OR6C4: variants seen among roughly 807,000 people sequenced by gnomAD.
OR6C4 encodes the protein olfactory receptor 6C4.
OR6C4 carries 20 observed loss-of-function variants against 15.1 expected under a neutral mutation model. That is an observed-to-expected ratio of 1.32 (90% CI 0.93 to 1.92). The LOEUF (loss-of-function observed/expected upper bound fraction) is 1.92, where lower values mean the gene tolerates loss of function less well. OR6C4 is among the 30% of genes most tolerant of loss of function. The pLI is 0.00. For missense variants in OR6C4, 491 were observed against 363.2 expected (o/e 1.35, Z -2.86); for synonymous variants, 179 against 134.2 (o/e 1.33, Z -2.31).
Position 55,555,280 on chromosome 12 carries a change from G to GC in OR6C4, c.*3129dup, listed in dbSNP as rs1283653957. The stretch of plus-strand genomic sequence containing the variant: ...CTAAGCTGTAGTTTTTTTATCCCTA[G>GC]CCCCCTCCCATCATTCCCCTTCTGA... On this transcript the variant is annotated 3_prime_UTR_variant, in exon 2 of 2. Transcript: ENST00000641569. 9 of 151,956 alleles carry GC rather than the reference G, an allele frequency of 5.9e-5. No homozygotes were observed. The highest frequency in any genetic ancestry group is 1.3e-4 in the Admixed American group (2 of 15,242). 9.4% of individuals were successfully genotyped at this position (151,956 alleles called of 1,614,324 possible). A position where few individuals can be genotyped will look rare whatever the true frequency, so the allele number is the denominator to read the frequency against.
At position 55,553,973 on chromosome 12, in the gene OR6C4, CTATATTATAA is replaced by C. The variant is rs1873947464; in HGVS notation, c.*1818_*1827del. ...GTTTAATAAATGACATCTATTATAA[CTATATTATAA>C]ACAATATATTTTTCAAGGAACTGGA... On this transcript the variant is annotated 3_prime_UTR_variant, in exon 2 of 2. Transcript: ENST00000641569. The C allele has an allele frequency of 6.6e-6, 1 of 152,128 alleles. No individual in the cohort carries two copies. Among genetic ancestry groups the C allele is most frequent in the African/African-American group, 2.4e-5 (1 of 41,430 alleles). 9.4% of individuals were successfully genotyped at this position (152,128 alleles called of 1,614,324 possible).
In OR6C4 at chr12:55,555,580, C is replaced by T. The variant is rs372209749; in HGVS notation, c.*3424C>T. Reference sequence around the variant, plus strand: ...ATCACTTGAGTTCAGGAGTTCGAGACCAGCCTGGCCAACATGGTGAAACCC... The same window carrying T: ...ATCACTTGAGTTCAGGAGTTCGAGATCAGCCTGGCCAACATGGTGAAACCC... On this transcript the variant is annotated 3_prime_UTR_variant, in exon 2 of 2. Transcript: ENST00000641569. 3.9e-5 allele frequency: 6 copies of T among 152,160 alleles called. No homozygotes were observed. The highest frequency in any genetic ancestry group is 1.4e-4 in the African/African-American group (6 of 41,494). The allele number at this position is 152,160 out of a possible 1,614,324, so 9.4% of individuals were successfully genotyped here.
rs1873905724 is a variant in OR6C4 at position 55,552,571 on chromosome 12, A to C, written c.*415A>C. 6.2e-6 allele frequency: 1 copy of C among 160,414 alleles called. No homozygotes were observed. 9.9% of individuals were successfully genotyped at this position (160,414 alleles called of 1,614,324 possible). A position where few individuals can be genotyped will look rare whatever the true frequency, so the allele number is the denominator to read the frequency against. ...GTTAGCTGGGTTTCATGAGTCAAGA[A>C]ATTTTCAGAATTGTTTTGAGGAGAA... is the stretch of plus-strand genomic sequence containing the variant. On this transcript the variant is annotated 3_prime_UTR_variant, in exon 2 of 2. Transcript: ENST00000641569.
Position 55,551,737 on chromosome 12 carries a change from A to C in OR6C4, c.511A>C (p.Ile171Leu), listed in dbSNP as rs1873872554. Residue 171 changes from isoleucine to leucine, a missense_variant, in exon 2 of 2, where the codon ATT becomes CTT. By Grantham distance (5) the Ile-to-Leu change is conservative (BLOSUM62 2). Coordinates refer to ENST00000641569, the MANE Select transcript of OR6C4 (RefSeq NM_001005494.2). Reference sequence around the variant, plus strand: ...CCAGGTAGATTTCTGTGTCTCCAACATTCTGAATCACTATTACTGTGACTA... The same window carrying C: ...CCAGGTAGATTTCTGTGTCTCCAACCTTCTGAATCACTATTACTGTGACTA... ...MTQVDFCVSN[I>L]LNHYYCDYGP... 6.2e-7 allele frequency: 1 copy of C among 1,613,938 alleles called. No homozygotes were observed.
Position 55,552,328 on chromosome 12 carries a change from T to C in OR6C4, c.*172T>C, listed in dbSNP as rs950709184. 2.0e-6 allele frequency: 1 copy of C among 496,550 alleles called. No homozygotes were observed. Among genetic ancestry groups the C allele is most frequent in the African/African-American group, 2.0e-5 (1 of 49,268 alleles). The allele number at this position is 496,550 out of a possible 1,614,324, so 30.8% of individuals were successfully genotyped here. On this transcript the variant is annotated 3_prime_UTR_variant, in exon 2 of 2. Coordinates refer to ENST00000641569, the MANE Select transcript of OR6C4 (RefSeq NM_001005494.2). ...AAGATATATAAATGGTAAATTTATG[T>C]AATAAATTTACAAAAAACAAAATAA...
Position 55,551,406 on chromosome 12 carries a change from C to T in OR6C4, c.180C>T (p.Phe60=). The T allele has an allele frequency of 2.5e-6, 4 of 1,613,876 alleles. No homozygotes were observed. Among genetic ancestry groups the T allele is most frequent in the Non-Finnish European group, 3.4e-6 (4 of 1,179,924 alleles). The part of the protein sequence containing the change: ...DPHLQTPMYF[F]LRNFSFLEIS... ...ACCTCCAGACCCCCATGTATTTCTT[C>T]CTCCGGAATTTCTCCTTCTTAGAAA... Residue 60 remains phenylalanine (F), a synonymous_variant, in exon 2 of 2, where the codon TTC becomes TTT. Transcript: ENST00000641569.
chr12:55,551,598 C>A lies in OR6C4; in HGVS notation c.372C>A (p.Ile124=), dbSNP rs772024749. ...TGTCTTATGATCGTTATGTGGCCAT[C>A]TGCAAACCCTTGCATTACCTGACTA... ...ASMSYDRYVA[I]CKPLHYLTIM... The change falls in exon 2 of 2, where the codon ATC becomes ATA. Residue 124 remains isoleucine, a synonymous_variant. Coordinates refer to ENST00000641569, the MANE Select transcript of OR6C4 (RefSeq NM_001005494.2). 9.9e-6 allele frequency: 16 copies of A among 1,613,876 alleles called. No homozygotes were observed. Among genetic ancestry groups the A allele is most frequent in the Non-Finnish European group, 1.4e-5 (16 of 1,179,950 alleles).
Position 55,555,594 on chromosome 12 carries a change from A to G in OR6C4, c.*3438A>G, listed in dbSNP as rs1029581621. On this transcript the variant is annotated 3_prime_UTR_variant, in exon 2 of 2. Coordinates refer to ENST00000641569, the MANE Select transcript of OR6C4 (RefSeq NM_001005494.2). ...GGAGTTCGAGACCAGCCTGGCCAAC[A>G]TGGTGAAACCCTGTCTCTATCAAAA... 2.0e-5 allele frequency: 3 copies of G among 152,188 alleles called. No homozygotes were observed. The highest frequency in any genetic ancestry group is 1.9e-4 in the East Asian group (1 of 5,186). The allele number at this position is 152,188 out of a possible 1,614,324, so 9.4% of individuals were successfully genotyped here.
In OR6C4 at chr12:55,551,566, G is replaced by A. The variant is rs1165785476; in HGVS notation, c.340G>A (p.Ala114Thr). 6.2e-7 allele frequency: 1 copy of A among 1,613,778 alleles called. No homozygotes were observed. Among genetic ancestry groups the A allele is most frequent in the Non-Finnish European group, 8.5e-7 (1 of 1,179,880 alleles). The change falls in exon 2 of 2, where the codon GCC (alanine) becomes ACC (threonine). Residue 114 changes from alanine (A) to threonine (T), a missense_variant. Coordinates refer to ENST00000641569, the MANE Select transcript of OR6C4 (RefSeq NM_001005494.2). ...FLGATEFYLLASMSYDRYVAI... is the reference protein window; with the variant it reads ...FLGATEFYLLTSMSYDRYVAI... ...TGGAGCTACCGAGTTTTACCTCCTGGCCTCCATGTCTTATGATCGTTATGT... is the reference window on the plus strand; with the variant it reads ...TGGAGCTACCGAGTTTTACCTCCTGACCTCCATGTCTTATGATCGTTATGT...
intron 1 of OR6C4, among the ~76,000 whole-genome samples, chr12:55,550,463 G>A (rs1445633054): frequency 6.6e-6 from 1 of 152,124 alleles, no homozygotes; most frequent in Non-Finnish European, 1.5e-5. Context: ...TGCCACTGGG[G>A]ACTCTAAGAC....
rs1172703777 is a variant in OR6C4, at chr12:55,554,848, T to A, written c.*2692T>A. 1.3e-5 allele frequency: 2 copies of A among 152,176 alleles called. No homozygotes were observed. Among genetic ancestry groups the A allele is most frequent in the Non-Finnish European group, 2.9e-5 (2 of 68,026 alleles). The allele number at this position is 152,176 out of a possible 1,614,324, so 9.4% of individuals were successfully genotyped here. A position where few individuals can be genotyped will look rare whatever the true frequency, so the allele number is the denominator to read the frequency against. On this transcript the variant is annotated 3_prime_UTR_variant, in exon 2 of 2. Transcript: ENST00000641569. ...GAGTTTTAAATAAAATTCAAAACAA[T>A]AAAATATATTTTTTAATTTTTTTTA...
rs1873962691 is a variant in OR6C4 at position 55,554,436 on chromosome 12, AT to A, written c.*2282del. 1 of 152,128 alleles carries A rather than the reference AT, an allele frequency of 6.6e-6. No individual in the cohort carries two copies. Among genetic ancestry groups the A allele is most frequent in the African/African-American group, 2.4e-5 (1 of 41,400 alleles). 9.4% of individuals were successfully genotyped at this position (152,128 alleles called of 1,614,324 possible). A position where few individuals can be genotyped will look rare whatever the true frequency, so the allele number is the denominator to read the frequency against. ...TGTCAAAAAAAAAAAAGCAAGTCAT[AT>A]TCTTCTAAAGCTGTTCATCTAGTCT... is the stretch of plus-strand genomic sequence containing the variant. On this transcript the variant is annotated 3_prime_UTR_variant, in exon 2 of 2. Transcript: ENST00000641569.
chr12:55,553,393 G>A lies in OR6C4; in HGVS notation c.*1237G>A, dbSNP rs935298409. ...TTGGGGTAAAAGTGGAACACAATCT[G>A]GTATTTTCACATGCTTTATATGTGG... is the stretch of plus-strand genomic sequence containing the variant. On this transcript the variant is annotated 3_prime_UTR_variant, in exon 2 of 2. Transcript: ENST00000641569. The A allele has an allele frequency of 6.6e-6, 1 of 151,906 alleles. No homozygotes were observed. The highest frequency in any genetic ancestry group is 2.4e-5 in the African/African-American group (1 of 41,348). 9.4% of individuals were successfully genotyped at this position (151,906 alleles called of 1,614,324 possible).
chr12:55,551,825 T>A lies in OR6C4; in HGVS notation c.599T>A (p.Leu200Ter). ...TSLLELMVIL[L>*]AVVTLMVTLV... is the part of the protein sequence containing the mutation. The stretch of plus-strand genomic sequence containing the variant: ...CTCTTAGAACTGATGGTCATCCTCT[T>A]GGCCGTTGTGACTCTCATGGTTACT... The change falls in exon 2 of 2, where the codon TTG (leucine) becomes TAG (stop). Residue 200 changes from leucine to a stop codon, truncating the protein, a stop_gained. Coordinates refer to ENST00000641569, the MANE Select transcript of OR6C4 (RefSeq NM_001005494.2). LOFTEE classifies it high-confidence loss of function. 1.2e-6 allele frequency: 2 copies of A among 1,613,818 alleles called. No individual in the cohort carries two copies. Among genetic ancestry groups the A allele is most frequent in the Non-Finnish European group, 1.7e-6 (2 of 1,179,888 alleles).
At chr12:55,550,165 T>C (rs888272949) in intron 1 of OR6C4, 47 bp downstream of exon 1, 1 of 152,198 alleles carries the variant, frequency 6.6e-6, no homozygotes, top group East Asian at 1.9e-4. Flanking sequence ...CCAGGTCACA[T>C]CATCTAAGAC....
Position 55,555,415 on chromosome 12 carries a change from A to G in OR6C4, c.*3259A>G, listed in dbSNP as rs1303356738. ...GTGAGAACATAGTTTTTGGTTTTCCACTCCCGTATTACTTCACTTAGAATA... is the reference window on the plus strand; with the variant it reads ...GTGAGAACATAGTTTTTGGTTTTCCGCTCCCGTATTACTTCACTTAGAATA... On this transcript the variant is annotated 3_prime_UTR_variant, in exon 2 of 2. Transcript: ENST00000641569. 1 of 151,892 alleles carries G rather than the reference A, an allele frequency of 6.6e-6. No individual in the cohort carries two copies. The highest frequency in any genetic ancestry group is 1.5e-5 in the Non-Finnish European group (1 of 67,986). The allele number at this position is 151,892 out of a possible 1,614,324, so 9.4% of individuals were successfully genotyped here. A position where few individuals can be genotyped will look rare whatever the true frequency, so the allele number is the denominator to read the frequency against.
chr12:55,553,411 A>T lies in OR6C4; in HGVS notation c.*1255A>T, dbSNP rs1304290698. ...ACAATCTGGTATTTTCACATGCTTTATATGTGGTAATATGTTGAGTAAAAT... is the reference window on the plus strand; with the variant it reads ...ACAATCTGGTATTTTCACATGCTTTTTATGTGGTAATATGTTGAGTAAAAT... On this transcript the variant is annotated 3_prime_UTR_variant, in exon 2 of 2. Coordinates refer to ENST00000641569, the MANE Select transcript of OR6C4 (RefSeq NM_001005494.2). 2 of 152,148 alleles carry T rather than the reference A, an allele frequency of 1.3e-5. No individual in the cohort carries two copies. Among genetic ancestry groups the T allele is most frequent in the African/African-American group, 2.4e-5 (1 of 41,456 alleles). The allele number at this position is 152,148 out of a possible 1,614,324, so 9.4% of individuals were successfully genotyped here. A position where few individuals can be genotyped will look rare whatever the true frequency, so the allele number is the denominator to read the frequency against.
chr12:55,551,744 A>G lies in OR6C4; in HGVS notation c.518A>G (p.Asn173Ser). 2 of 1,613,858 alleles carry G rather than the reference A, an allele frequency of 1.2e-6. No homozygotes were observed. The highest frequency in any genetic ancestry group is 1.7e-6 in the Non-Finnish European group (2 of 1,179,882). The change falls in exon 2 of 2, where the codon AAT becomes AGT. Residue 173 changes from asparagine (N) to serine (S), a missense_variant. By Grantham distance (46) the Asn-to-Ser change is conservative. Transcript: ENST00000641569. The part of the protein sequence containing the change: ...QVDFCVSNIL[N>S]HYYCDYGPLV... Reference sequence around the variant, plus strand: ...GATTTCTGTGTCTCCAACATTCTGAATCACTATTACTGTGACTATGGGCCT... The same window carrying G: ...GATTTCTGTGTCTCCAACATTCTGAGTCACTATTACTGTGACTATGGGCCT...
In OR6C4 at chr12:55,554,144, G is replaced by GTAGC; in HGVS notation, c.*1990_*1993dup. 6.6e-6 allele frequency: 1 copy of GTAGC among 152,244 alleles called. No individual in the cohort carries two copies. The highest frequency in any genetic ancestry group is 1.5e-5 in the Non-Finnish European group (1 of 68,008). 9.4% of individuals were successfully genotyped at this position (152,244 alleles called of 1,614,324 possible). On this transcript the variant is annotated 3_prime_UTR_variant, in exon 2 of 2. Coordinates refer to ENST00000641569, the MANE Select transcript of OR6C4 (RefSeq NM_001005494.2). The stretch of plus-strand genomic sequence containing the variant: ...CTCCACACATCCAGCTGCATGCTGG[G>GTAGC]TAGCTGGGTCAGCAAAGATCTTACC...
Sources: gnomAD v4.1 joint callset for allele counts (sites outside exome capture counted in the v4.1 genomes callset) on GRCh38, gnomAD v4.1.1 for gene constraint, MANE v1.5 for transcripts, NCBI Gene and HGNC (gene_info 2026-07-23, HGNC 2026-07-21) for gene names.